The following TTC17 variants were observed in gnomAD, a reference collection of about 807,000 sequenced individuals.
The protein encoded by TTC17 is tetratricopeptide repeat domain 17.
In TTC17, 58 loss-of-function variants were observed where a neutral mutation model predicts 143.8. The observed-to-expected ratio is 0.40, with a 90% CI of 0.33 to 0.50. The LOEUF (loss-of-function observed/expected upper bound fraction) is 0.50. Ranked by LOEUF, TTC17 falls within the 20% of genes least tolerant of loss-of-function variation. TTC17 has a pLI of 0.49. For synonymous variants in TTC17, 501 were observed against 497.8 expected (o/e 1.01, Z -0.09); for missense variants, 1,273 against 1,392.5 (o/e 0.91, Z 1.37).
chr11:43,399,081 G>A (rs1384566144), intron 8 of TTC17, among the ~76,000 whole-genome samples: 1 of 152,200 alleles, frequency 6.6e-6, no homozygotes. Context: ...CTGAAATCAG[G>A]TGGTGAAGCA....
At chr11:43,438,138 A>G (rs1421934966) in intron 16 of TTC17, among the ~76,000 whole-genome samples, 1 of 152,226 alleles carries the variant, frequency 6.6e-6, no homozygotes, top group African/African-American at 2.4e-5. Context: ...CTAGGACTGA[A>G]GACAGAATTG....
chr11:43,385,337 C>T (rs1409214566), intron 2 of TTC17, among the ~76,000 whole-genome samples: 1 of 152,118 alleles, frequency 6.6e-6, no homozygotes, highest in East Asian at 1.9e-4. Flanking sequence ...AAATAATTTA[C>T]AAAGTTTTGT....
At chr11:43,396,973 ATC>A in intron 6 of TTC17, 155 bp downstream of exon 6, 1 of 479,610 alleles carries the variant, frequency 2.1e-6, no homozygotes, top group Non-Finnish European at 3.6e-6. Context: ...AAAAAAAAAA[ATC>A]ACAGATCTCA....
At chr11:43,380,706 AAG>A (rs759634500) in intron 2 of TTC17, among the ~76,000 whole-genome samples, 3 of 152,228 alleles carry the variant, frequency 2.0e-5, no homozygotes, top group East Asian at 1.9e-4. Context: ...TCTGTGAATT[AAG>A]AGAGAGAAGA....
At position 43,397,372 on chromosome 11, in the gene TTC17, A is replaced by C; in HGVS notation, c.799A>C (p.Asn267His). Residue 267 changes from asparagine (N) to histidine (H), a missense_variant, in exon 7 of 24, where the codon AAC (asparagine) becomes CAC (histidine). Physicochemically the swap from Asn to His is moderately conservative, Grantham distance 68. Transcript: ENST00000039989. ...GCACAATAAAGACATTGCCCTGGTCAACCTGGCAAACGTTCTACACAGAGC... is the reference window on the plus strand; with the variant it reads ...GCACAATAAAGACATTGCCCTGGTCCACCTGGCAAACGTTCTACACAGAGC... ...SRHNKDIALV[N>H]LANVLHRAHF... The C allele has an allele frequency of 6.2e-7, 1 of 1,611,648 alleles. No individual in the cohort carries two copies. Among genetic ancestry groups the C allele is most frequent in the East Asian group, 2.2e-5 (1 of 44,878 alleles).
Position 43,397,332 on chromosome 11 carries a change from T to C in TTC17, c.774-15T>C, listed in dbSNP as rs1857635494. 6.2e-7 allele frequency: 1 copy of C among 1,602,452 alleles called. No individual in the cohort carries two copies. Among genetic ancestry groups the C allele is most frequent in the Admixed American group, 1.7e-5 (1 of 59,708 alleles). On this transcript the variant is annotated splice_polypyrimidine_tract_variant and intron_variant, in intron 6 of 23. Coordinates refer to ENST00000039989, the MANE Select transcript of TTC17 (RefSeq NM_018259.6). Reference sequence around the variant, plus strand: ...TGGTTCTACATAATCATGGAATATGTGCTGCTTTCCTTAGGCACAATAAAG... The same window carrying C: ...TGGTTCTACATAATCATGGAATATGCGCTGCTTTCCTTAGGCACAATAAAG...
intron 22 of TTC17, among the ~76,000 whole-genome samples, 153 bp downstream of exon 22, chr11:43,490,511 G>C (rs572726304): frequency 1.2e-4 from 19 of 152,326 alleles, no homozygotes; most frequent in South Asian, 2.1e-4. Context: ...GACTGGGCTT[G>C]TGCCCCAGCA....
intron 16 of TTC17, among the ~76,000 whole-genome samples, chr11:43,421,080 A>G (rs1229423589): frequency 6.6e-6 from 1 of 152,218 alleles, no homozygotes; most frequent in Non-Finnish European, 1.5e-5. Flanking sequence ...TTACAGAGCT[A>G]CATTCTAGTA....
rs776038290 is a variant in TTC17 at position 43,447,956 on chromosome 11, C to A, written c.2666-46C>A. 5 of 1,603,806 alleles carry A rather than the reference C, an allele frequency of 3.1e-6. No homozygotes were observed. In the South Asian group the frequency reaches 5.6e-5, roughly 18 times the overall value. On this transcript the variant is annotated intron_variant, in intron 18 of 23. Transcript: ENST00000039989. ...ACCAGGGCATAAGGCCCTTTGGGTT[C>A]TCTTCCTTTGCAATTGTGTGGATTC...
rs55913890 is a variant in TTC17 at position 43,434,168 on chromosome 11, G to GACAC, written c.2252-9096_2252-9093dup. Among the ~76,000 whole-genome samples the GACAC allele has an allele frequency of 2.7e-3, 341 of 125,524 alleles. 4 individuals are homozygous for GACAC. Among genetic ancestry groups the GACAC allele is most frequent in the African/African-American group, 6.7e-3 (219 of 32,588 alleles). The allele number at this position is 125,524 out of a possible 152,430, so 82.3% of individuals were successfully genotyped here. On this transcript the variant is annotated intron_variant, in intron 16 of 23. Coordinates refer to ENST00000039989, the MANE Select transcript of TTC17 (RefSeq NM_018259.6). The stretch of plus-strand genomic sequence containing the variant: ...TTCCCATTAGCCCTCCATGGGCGGG[G>GACAC]ACACACACACACACACACACACACA...
chr11:43,416,676 AT>A (rs1232708655), intron 16 of TTC17, among the ~76,000 whole-genome samples: 2 of 152,066 alleles, frequency 1.3e-5, no homozygotes, highest in African/African-American at 2.4e-5. Flanking sequence ...TGGAAACACA[AT>A]TTTTTTTAAT....
At chr11:43,452,878 A>T (rs1947690309) in intron 21 of TTC17, among the ~76,000 whole-genome samples, 3 of 151,204 alleles carry the variant, frequency 2.0e-5, no homozygotes, top group South Asian at 4.2e-4. Flanking sequence ...AGCTATGATC[A>T]TGCCACTGCA....
chr11:43,471,264 A>T (rs933963642), intron 21 of TTC17, among the ~76,000 whole-genome samples: 1 of 152,148 alleles, frequency 6.6e-6, no homozygotes, highest in Non-Finnish European at 1.5e-5. Context: ...CTGTAGAGTA[A>T]TTCCCCTACT....
intron 5 of TTC17, among the ~76,000 whole-genome samples, chr11:43,394,671 C>T (rs530856746): frequency 1.1e-4 from 17 of 152,098 alleles, no homozygotes; most frequent in African/African-American, 2.4e-4. Flanking sequence ...ATGTTAAATT[C>T]GAAATACCTA....
At chr11:43,406,298 A>C (rs1421779125) in intron 13 of TTC17, among the ~76,000 whole-genome samples, 1 of 152,176 alleles carries the variant, frequency 6.6e-6, no homozygotes, top group Non-Finnish European at 1.5e-5. Flanking sequence ...AGGCCTCCAG[A>C]AGTGTATATA....
At chr11:43,464,671 A>G (rs1431537404) in intron 21 of TTC17, among the ~76,000 whole-genome samples, 1 of 152,230 alleles carries the variant, frequency 6.6e-6, no homozygotes, top group African/African-American at 2.4e-5. Context: ...AGAAAATGAA[A>G]GCAGAAAATT....
chr11:43,413,289 A>G lies in TTC17; in HGVS notation c.2065-1301A>G, dbSNP rs545877544. ...GAATAATTGGATGATATCCTTATGGAGAAAGATAAGAACTTTGACTTCTGC... is the reference window on the plus strand; with the variant it reads ...GAATAATTGGATGATATCCTTATGGGGAAAGATAAGAACTTTGACTTCTGC... On this transcript the variant is annotated intron_variant, in intron 15 of 23. Coordinates refer to ENST00000039989, the MANE Select transcript of TTC17 (RefSeq NM_018259.6). Among the ~76,000 whole-genome samples the G allele has an allele frequency of 5.3e-5, 8 of 152,306 alleles. No individual in the cohort carries two copies. In the South Asian group the frequency reaches 1.7e-3, roughly 32 times the overall value.
rs750905026 is a variant in TTC17 at position 43,443,452 on chromosome 11, T to C, written c.2379T>C (p.Gly793=). 6.2e-7 allele frequency: 1 copy of C among 1,613,958 alleles called. No homozygotes were observed. The highest frequency in any genetic ancestry group is 1.1e-5 in the South Asian group (1 of 91,062). The part of the protein sequence containing the change: ...QQAWPLEGFG[G]ALEMKGRRLD... ...CATGGCCTTTGGAAGGCTTTGGGGG[T>C]GCACTAGAGATGAAAGGGCGGCGTC... The change falls in exon 17 of 24, where the codon GGT becomes GGC. Residue 793 remains glycine (G), a synonymous_variant. Transcript: ENST00000039989.
Position 43,405,948 on chromosome 11 carries a change from A to G in TTC17, c.1758A>G (p.Arg586=). 1.2e-6 allele frequency: 2 copies of G among 1,612,778 alleles called. No individual in the cohort carries two copies. Residue 586 remains arginine, a synonymous_variant, in exon 13 of 24, where the codon CGA becomes CGG. Transcript: ENST00000039989. ...CCAAAATGCCAGATGACCATGCACGAAAAGTAAGGCTCACTTAGGCTGGTA... is the reference window on the plus strand; with the variant it reads ...CCAAAATGCCAGATGACCATGCACGGAAAGTAAGGCTCACTTAGGCTGGTA... ...LKAKMPDDHA[R]KILLSRINNY... is the part of the protein sequence containing the mutation.
Sources: gnomAD v4.1 joint callset for allele counts (sites outside exome capture counted in the v4.1 genomes callset) on GRCh38, gnomAD v4.1.1 for gene constraint, MANE v1.5 for transcripts, NCBI Gene and HGNC (gene_info 2026-07-23, HGNC 2026-07-21) for gene names.